GORASP2: variants seen among roughly 807,000 people sequenced by gnomAD.
The protein encoded by GORASP2 is golgi reassembly stacking protein 2, also known as Golgi reassembly-stacking protein 2.
GORASP2 carries 22 observed loss-of-function variants against 45.7 expected under a neutral mutation model. The observed-to-expected ratio is 0.48, with a 90% confidence interval of 0.34 to 0.69. The LOEUF is 0.69. Ranked by LOEUF, GORASP2 falls within the 30% of genes least tolerant of loss-of-function variation. The probability of loss-of-function intolerance (pLI) is 0.01; values close to 1 mark genes in which losing one functional copy is unlikely to be tolerated. For missense variants in GORASP2, 491 were observed against 562.7 expected (o/e 0.87, Z 1.29); for synonymous variants, 221 against 215.6 (o/e 1.02, Z -0.22).
In GORASP2 at chr2:170,966,243, T is replaced by A; in HGVS notation, c.*113T>A. ...TTGTACCGTATCTGTAGGCATCCTG[T>A]AAATAATTCCAAGGGGAAAACTAAA... is the stretch of plus-strand genomic sequence containing the variant. On this transcript the variant is annotated 3_prime_UTR_variant, in exon 10 of 10. Coordinates refer to ENST00000234160, the MANE Select transcript of GORASP2 (RefSeq NM_015530.5). 1 of 771,346 alleles carries A rather than the reference T, an allele frequency of 1.3e-6. No homozygotes were observed. The highest frequency in any genetic ancestry group is 2.2e-6 in the Non-Finnish European group (1 of 458,586). The allele number at this position is 771,346 out of a possible 1,614,324, so 47.8% of individuals were successfully genotyped here. A position where few individuals can be genotyped will look rare whatever the true frequency, so the allele number is the denominator to read the frequency against.
At chr2:170,933,969 G>C (rs1050439131) in intron 1 of GORASP2, among the ~76,000 whole-genome samples, 1 of 115,008 alleles carries the variant, frequency 8.7e-6, no homozygotes, top group Admixed American at 9.8e-5. Flanking sequence ...GCAAGTGACT[G>C]CAAGTGGAAT....
At chr2:170,943,550 GT>G (rs1389985110) in intron 1 of GORASP2, among the ~76,000 whole-genome samples, 1 of 152,178 alleles carries the variant, frequency 6.6e-6, no homozygotes, top group Admixed American at 6.5e-5. Context: ...GAGGCCCAGC[GT>G]GGTAAATAAA....
rs1199571345 is a variant in GORASP2, at chr2:170,964,892, A to ATTTTTTT, written c.1019-877_1019-871dup. Among the ~76,000 whole-genome samples the ATTTTTTT allele has an allele frequency of 1.5e-4, 10 of 64,700 alleles. 1 individual carries two copies. Among genetic ancestry groups the ATTTTTTT allele is most frequent in the Non-Finnish European group, 1.9e-4 (7 of 36,400 alleles). The allele number at this position is 64,700 out of a possible 152,430, so 42.4% of individuals were successfully genotyped here. On this transcript the variant is annotated intron_variant, in intron 9 of 9. Coordinates refer to ENST00000234160, the MANE Select transcript of GORASP2 (RefSeq NM_015530.5). ...TCTCCTTTCCTTCATATGCATTTTAATTTTTTTTTTTTTTTTTTTTTTTTT... is the reference window on the plus strand; with the variant it reads ...TCTCCTTTCCTTCATATGCATTTTAATTTTTTTTTTTTTTTTTTTTTTTTTTTTTTTT...
chr2:170,947,100 C>T (rs1443278210), intron 1 of GORASP2, among the ~76,000 whole-genome samples: 6 of 152,040 alleles, frequency 3.9e-5, no homozygotes, highest in Non-Finnish European at 5.9e-5. Flanking sequence ...TGGAGAAACC[C>T]TTTGAGAATC....
chr2:170,959,962 T>C, intron 7 of GORASP2, among the ~76,000 whole-genome samples: 1 of 151,766 alleles, frequency 6.6e-6, no homozygotes, highest in Non-Finnish European at 1.5e-5. Flanking sequence ...GCTGGGATTA[T>C]AGGTGCTCAC....
chr2:170,963,954 CTT>C (rs924593258), intron 9 of GORASP2, among the ~76,000 whole-genome samples: 12 of 143,562 alleles, frequency 8.4e-5, no homozygotes, highest in African/African-American at 2.7e-4. Context: ...CAGTATTCTT[CTT>C]TTGTAAAAAA....
At chr2:170,933,893 AT>A (rs1330660021) in intron 1 of GORASP2, among the ~76,000 whole-genome samples, 13 of 152,208 alleles carry the variant, frequency 8.5e-5, no homozygotes, top group African/African-American at 2.9e-4. Flanking sequence ...CACGAGTGTA[AT>A]AACAGGTTTT....
chr2:170,961,836 G>A (rs1704568910), intron 8 of GORASP2, 87 bp downstream of exon 8: 2 of 811,846 alleles, frequency 2.5e-6, no homozygotes, highest in Admixed American at 1.7e-5. Context: ...TATTATACCT[G>A]TGTGGTAACT....
chr2:170,929,512 C>T (rs1703761968), intron 1 of GORASP2, 109 bp downstream of exon 1: 1 of 930,496 alleles, frequency 1.1e-6, no homozygotes, highest in East Asian at 3.4e-5. Context: ...CCCGATCCCG[C>T]GAAGGAGCGG....
chr2:170,965,603 A>T (rs1238027890), intron 9 of GORASP2, among the ~76,000 whole-genome samples, 187 bp from the exon 10 acceptor site: 1 of 152,216 alleles, frequency 6.6e-6, no homozygotes, highest in African/African-American at 2.4e-5. Flanking sequence ...TCCTTCAGGC[A>T]GCTGCGATTG....
At chr2:170,959,844 C>T (rs528639381) in intron 7 of GORASP2, among the ~76,000 whole-genome samples, 6 of 109,522 alleles carry the variant, frequency 5.5e-5, no homozygotes, top group South Asian at 6.4e-4. Flanking sequence ...TTTTTTGAGA[C>T]GGAGTCTTGC....
In GORASP2 at chr2:170,964,567, C is replaced by T. The variant is rs572757999; in HGVS notation, c.1019-1223C>T. On this transcript the variant is annotated intron_variant, in intron 9 of 9. Coordinates refer to ENST00000234160, the MANE Select transcript of GORASP2 (RefSeq NM_015530.5). Reference sequence around the variant, plus strand: ...ACTCGGGAAGGTGAGGCAGGAGAATCGCTTGAACCCAGGAGGCGGAGGTTG... The same window carrying T: ...ACTCGGGAAGGTGAGGCAGGAGAATTGCTTGAACCCAGGAGGCGGAGGTTG... Among the ~76,000 whole-genome samples the T allele has an allele frequency of 7.8e-4, 119 of 152,200 alleles. 1 individual carries two copies. The highest frequency in any genetic ancestry group is 2.7e-3 in the African/African-American group (111 of 41,540).
At chr2:170,962,371 CAT>C (rs982478152) in intron 8 of GORASP2, among the ~76,000 whole-genome samples, 16 of 152,314 alleles carry the variant, frequency 1.1e-4, no homozygotes, top group African/African-American at 3.6e-4. Context: ...GATATGTGGA[CAT>C]GTGGGAATTT....
Position 170,949,647 on chromosome 2 carries a change from A to G in GORASP2, c.253A>G (p.Thr85Ala). 1.2e-6 allele frequency: 2 copies of G among 1,614,108 alleles called. No individual in the cohort carries two copies. Among genetic ancestry groups the G allele is most frequent in the Non-Finnish European group, 1.7e-6 (2 of 1,179,926 alleles). ...KTLELRETSV[T>A]PSNLWGGQGL... is the part of the protein sequence containing the mutation. The stretch of plus-strand genomic sequence containing the variant: ...ATTGGAACTGCGAGAGACCTCAGTC[A>G]CACCAAGTAACCTGTGGGGCGGCCA... Residue 85 changes from threonine to alanine, a missense_variant, in exon 3 of 10, where the codon ACA (threonine) becomes GCA (alanine). Around this residue, in one of 2 missense-constraint regions of GORASP2, gnomAD observed 194 missense variants for 270.4 expected, o/e 0.72. Coordinates refer to ENST00000234160, the MANE Select transcript of GORASP2 (RefSeq NM_015530.5).
chr2:170,961,262 TC>T (rs1704552911), intron 7 of GORASP2, among the ~76,000 whole-genome samples: 1 of 152,208 alleles, frequency 6.6e-6, no homozygotes. Context: ...GGGCACATGG[TC>T]CCCCTGCAAC....
chr2:170,940,430 TAAAGAG>T (rs1372334086), intron 1 of GORASP2, among the ~76,000 whole-genome samples: 1 of 152,104 alleles, frequency 6.6e-6, no homozygotes, highest in Non-Finnish European at 1.5e-5. Flanking sequence ...AGTGAAGAAT[TAAAGAG>T]AGAAAGAGGT....
chr2:170,963,497 C>A (rs1704619842), intron 9 of GORASP2, among the ~76,000 whole-genome samples: 1 of 127,346 alleles, frequency 7.9e-6, no homozygotes, highest in South Asian at 3.3e-4. Context: ...CCGCCCCCCT[C>A]CCCCGCCCCA....
Position 170,929,338 on chromosome 2 carries a change from G to T in GORASP2, c.-3G>T, listed in dbSNP as rs1433925716. Reference sequence around the variant, plus strand: ...GGCTCGGCCACACCGATCGCCCGCCGCCATGGGCTCCTCGCAAAGCGTCGA... The same window carrying T: ...GGCTCGGCCACACCGATCGCCCGCCTCCATGGGCTCCTCGCAAAGCGTCGA... On this transcript the variant is annotated 5_prime_UTR_variant, in exon 1 of 10. Coordinates refer to ENST00000234160, the MANE Select transcript of GORASP2 (RefSeq NM_015530.5). The T allele has an allele frequency of 9.5e-6, 13 of 1,372,866 alleles. No homozygotes were observed. The South Asian group carries it at 2.3e-4, about 24-fold the overall frequency. The allele number at this position is 1,372,866 out of a possible 1,614,324, so 85.0% of individuals were successfully genotyped here.
At chr2:170,953,992 A>G (rs540934524) in intron 5 of GORASP2, 2 of 152,430 alleles carry the variant, frequency 1.3e-5, no homozygotes, top group African/African-American at 4.8e-5. Flanking sequence ...GTAATTCCCC[A>G]AAGGGAGGAA....
Sources: allele counts gnomAD v4.1 joint callset (sites outside exome capture counted in the v4.1 genomes callset), GRCh38; gene constraint gnomAD v4.1.1; regional missense constraint gnomAD v4.1.1; transcripts MANE v1.5; gene names NCBI Gene and HGNC (gene_info 2026-07-23, HGNC 2026-07-21).